The following PDE4D variants were observed in gnomAD, a reference collection of about 807,000 sequenced individuals.
PDE4D encodes phosphodiesterase 4D.
A neutral mutation model predicts 87.4 loss-of-function variants in PDE4D; 24 were observed. The observed-to-expected ratio is 0.27, with a 90% CI of 0.20 to 0.39. PDE4D has a LOEUF of 0.39. Among genes scored for constraint, PDE4D ranks in the 10% least tolerant of loss-of-function variants. PDE4D has a pLI of 1.00. For synonymous variants in PDE4D, 384 were observed against 383.2 expected (o/e 1.00, Z -0.02); for missense variants, 714 against 1,041.0 (o/e 0.69, Z 4.32).
chr5:60,308,452 G>A (rs1015938549), intron 1 of PDE4D, among the ~76,000 whole-genome samples: 4 of 152,146 alleles, frequency 2.6e-5, no homozygotes, highest in Admixed American at 6.5e-5. Flanking sequence ...TGTTTCTAAC[G>A]TTGCTGTAGA....
At chr5:59,359,233 G>T (rs1781848881) in intron 1 of PDE4D, among the ~76,000 whole-genome samples, 1 of 152,090 alleles carries the variant, frequency 6.6e-6, no homozygotes. Flanking sequence ...CCCCTGCTTT[G>T]TAAAGGCAGT....
intron 3 of PDE4D, among the ~76,000 whole-genome samples, chr5:59,191,051 T>C (rs796245979): frequency 5.3e-5 from 8 of 152,334 alleles, no homozygotes; most frequent in African/African-American, 1.9e-4. Flanking sequence ...GATATGCCTA[T>C]AAATTATACA....
intron 1 of PDE4D, among the ~76,000 whole-genome samples, chr5:59,329,374 G>A (rs1205944590): frequency 6.6e-6 from 1 of 152,108 alleles, no homozygotes; most frequent in Non-Finnish European, 1.5e-5. Flanking sequence ...CTAGCAAAAA[G>A]CATAAACATA....
At chr5:60,316,062 A>G (rs1755559632) in intron 1 of PDE4D, among the ~76,000 whole-genome samples, 1 of 152,186 alleles carries the variant, frequency 6.6e-6, no homozygotes. Context: ...CATTGAATCG[A>G]TAAATTACCT....
chr5:59,272,539 A>T (rs948725754), intron 1 of PDE4D, among the ~76,000 whole-genome samples: 4 of 151,732 alleles, frequency 2.6e-5, no homozygotes, highest in Admixed American at 1.3e-4. Flanking sequence ...ACATTTTTTT[A>T]AAATAATGCT....
intron 2 of PDE4D, among the ~76,000 whole-genome samples, chr5:60,138,787 T>C (rs1460308025): frequency 6.6e-6 from 1 of 152,074 alleles, no homozygotes; most frequent in African/African-American, 2.4e-5. Context: ...AAATGGTAAA[T>C]ATATATACTG....
chr5:58,983,059 A>AT (rs1745595504), intron 11 of PDE4D, among the ~76,000 whole-genome samples: 2 of 152,198 alleles, frequency 1.3e-5, no homozygotes, highest in African/African-American at 4.8e-5. Context: ...AATTGCACAT[A>AT]TGGCCATTCC....
At chr5:59,084,535 G>A (rs199538747) in intron 5 of PDE4D, among the ~76,000 whole-genome samples, 1 of 144,620 alleles carries the variant, frequency 6.9e-6, no homozygotes. Flanking sequence ...TGGCAAAAAA[G>A]TGTAAAAAAC....
At chr5:60,434,898 G>T (rs1466537865) in intron 1 of PDE4D, among the ~76,000 whole-genome samples, 1 of 151,892 alleles carries the variant, frequency 6.6e-6, no homozygotes, top group Non-Finnish European at 1.5e-5. Flanking sequence ...TGGAGATACA[G>T]AAATGAAAAA....
At chr5:60,422,333 A>T (rs1487471095) in intron 1 of PDE4D, among the ~76,000 whole-genome samples, 1 of 152,238 alleles carries the variant, frequency 6.6e-6, no homozygotes, top group Non-Finnish European at 1.5e-5. Context: ...CCATCAGACA[A>T]ACAGCAGCTC....
intron 1 of PDE4D, among the ~76,000 whole-genome samples, chr5:59,329,851 A>G (rs1581990987): frequency 6.6e-6 from 1 of 152,208 alleles, no homozygotes; most frequent in Non-Finnish European, 1.5e-5. Context: ...ACATTTATCT[A>G]TAGTCAAAAC....
intron 1 of PDE4D, among the ~76,000 whole-genome samples, chr5:59,353,881 T>A (rs1780930453): frequency 6.6e-6 from 1 of 152,136 alleles, no homozygotes. Context: ...AACTTTCACA[T>A]CTATTTTGAG....
intron 1 of PDE4D, among the ~76,000 whole-genome samples, chr5:59,282,803 A>G (rs772215003): frequency 1.8e-4 from 28 of 152,180 alleles, no homozygotes; most frequent in Non-Finnish European, 3.1e-4. Context: ...TTAAATTTAC[A>G]TTTATTTGAT....
At chr5:59,944,093 A>T (rs1757470629) in intron 3 of PDE4D, among the ~76,000 whole-genome samples, 1 of 152,212 alleles carries the variant, frequency 6.6e-6, no homozygotes, top group Non-Finnish European at 1.5e-5. Flanking sequence ...CCTTCCTTTC[A>T]GGAAATTTGT....
At chr5:59,883,711 G>A (rs796132794) in intron 1 of PDE4D, among the ~76,000 whole-genome samples, 16 of 152,050 alleles carry the variant, frequency 1.1e-4, no homozygotes, top group Admixed American at 2.0e-4. Context: ...TTAACTTACC[G>A]ATATATGAAT....
intron 1 of PDE4D, among the ~76,000 whole-genome samples, chr5:59,608,100 T>C (rs935143882): frequency 6.6e-6 from 1 of 152,168 alleles, no homozygotes; most frequent in Non-Finnish European, 1.5e-5. Context: ...TGGCCATACA[T>C]ATTCCTTCCC....
At chr5:59,973,158 C>T (rs538001602) in intron 3 of PDE4D, among the ~76,000 whole-genome samples, 1 of 152,074 alleles carries the variant, frequency 6.6e-6, no homozygotes, top group Admixed American at 6.6e-5. Flanking sequence ...TATACTAAGA[C>T]ACAATAGATG....
intron 1 of PDE4D, among the ~76,000 whole-genome samples, chr5:60,322,367 T>TATAC (rs1314745373): frequency 3.7e-3 from 487 of 132,814 alleles, no homozygotes; most frequent in Non-Finnish European, 6.3e-3. Flanking sequence ...TGGACACACA[T>TATAC]ACACACACAC....
At chr5:59,823,750 C>T (rs1199555966) in intron 1 of PDE4D, among the ~76,000 whole-genome samples, 1 of 151,550 alleles carries the variant, frequency 6.6e-6, no homozygotes, top group Non-Finnish European at 1.5e-5. Flanking sequence ...CTGATTTCCT[C>T]TCATACAACT....
Sources: gnomAD v4.1 joint callset for allele counts (sites outside exome capture counted in the v4.1 genomes callset) on GRCh38, gnomAD v4.1.1 for gene constraint, MANE v1.5 for transcripts, NCBI Gene and HGNC (gene_info 2026-07-23, HGNC 2026-07-21) for gene names.